Variants in ADAMTSL1 observed in about 807,000 individuals in gnomAD.
ADAMTSL1 encodes the protein ADAMTS like 1.
Under a neutral mutation model 201.8 loss-of-function variants are expected in ADAMTSL1, and 126 were observed. That is an observed-to-expected ratio of 0.62 (90% CI 0.54 to 0.72). The LOEUF (loss-of-function observed/expected upper bound fraction) is 0.72. Ranked by LOEUF, ADAMTSL1 falls within the 30% of genes least tolerant of loss-of-function variation. The pLI is 0.00. For synonymous variants in ADAMTSL1, 1,121 were observed against 903.4 expected (o/e 1.24, Z -4.32); for missense variants, 2,679 against 2,277.8 (o/e 1.18, Z -3.59).
chr9:18,310,473 A>G (rs928803711), intron 2 of ADAMTSL1, among the ~76,000 whole-genome samples: 1 of 151,780 alleles, frequency 6.6e-6, no homozygotes, highest in Non-Finnish European at 1.5e-5. Context: ...ACAAAGGACT[A>G]ATATCCAGAA....
chr9:18,453,294 G>A (rs752545232), intron 2 of ADAMTSL1, among the ~76,000 whole-genome samples: 6 of 152,052 alleles, frequency 3.9e-5, no homozygotes, highest in Non-Finnish European at 7.4e-5. Flanking sequence ...GGGTGCCTTG[G>A]GCTGGTCTCT....
At chr9:18,308,698 C>G (rs969402096) in intron 2 of ADAMTSL1, among the ~76,000 whole-genome samples, 1 of 152,096 alleles carries the variant, frequency 6.6e-6, no homozygotes, top group Admixed American at 6.6e-5. Flanking sequence ...TAATTAATAG[C>G]CTACCAACCA....
chr9:18,406,793 TG>T (rs1434418863), intron 2 of ADAMTSL1, among the ~76,000 whole-genome samples: 1 of 152,208 alleles, frequency 6.6e-6, no homozygotes, highest in Non-Finnish European at 1.5e-5. Context: ...ACTGGAACCC[TG>T]GATACAGAAT....
intron 2 of ADAMTSL1, among the ~76,000 whole-genome samples, chr9:18,298,959 C>T (rs377312325): frequency 1.3e-5 from 2 of 151,272 alleles, no homozygotes; most frequent in Admixed American, 6.6e-5. Context: ...TTGCAGTGAG[C>T]CGAGATGGCG....
rs758135658 is a variant in ADAMTSL1, at chr9:18,777,640, C to T, written c.3411C>T (p.His1137=). 3.2e-5 allele frequency: 51 copies of T among 1,613,630 alleles called. No homozygotes were observed. The highest frequency in any genetic ancestry group is 1.1e-4 in the African/African-American group (8 of 74,944). Residue 1137 remains histidine (H), a synonymous_variant, in exon 19 of 29, where the codon CAC becomes CAT. Coordinates refer to ENST00000380548, the MANE Select transcript of ADAMTSL1 (RefSeq NM_001040272.6). ...CAGTGACTCTCTCGCCTCATAAACA[C>T]GTGTCTGGCTTCAGCAGCTCCCTGC... ...TSPVTLSPHK[H]VSGFSSSLRT... is the part of the protein sequence containing the mutation.
chr9:17,987,027 G>A (rs1818955522), intron 1 of ADAMTSL1, among the ~76,000 whole-genome samples: 1 of 152,128 alleles, frequency 6.6e-6, no homozygotes, highest in African/African-American at 2.4e-5. Context: ...TAGGGGAAGA[G>A]TTCCCACTAA....
In ADAMTSL1 at chr9:18,386,881, G is replaced by A. The variant is rs189457308; in HGVS notation, c.208-117948G>A. 6.6e-4 allele frequency among the ~76,000 whole-genome samples: 101 copies of A among 151,990 alleles called. 1 individual carries two copies. The South Asian group carries it at 8.5e-3, about 13-fold the overall frequency. On this transcript the variant is annotated intron_variant, in intron 2 of 29. Transcript: ENST00000680146. ...ATATTAAAGACTATATTCTTTAATC[G>A]TCATCTTCCTTTCTTTAAAGCTCTA...
chr9:18,022,345 A>G (rs192331768), intron 1 of ADAMTSL1, among the ~76,000 whole-genome samples: 150 of 152,238 alleles, frequency 9.9e-4, no homozygotes, highest in Non-Finnish European at 1.7e-3. Flanking sequence ...GCTGTCCTGT[A>G]TTGTTCTCCC....
At chr9:18,721,218 G>A (rs79504489) in intron 14 of ADAMTSL1, among the ~76,000 whole-genome samples, 22 of 152,266 alleles carry the variant, frequency 1.4e-4, no homozygotes, top group East Asian at 1.2e-3. Context: ...GAAGTATCAT[G>A]TTCCAGCATT....
In ADAMTSL1 at chr9:18,622,334, G is replaced by A. The variant is rs757020927; in HGVS notation, c.566G>A (p.Arg189Gln). 1.9e-5 allele frequency: 31 copies of A among 1,613,922 alleles called. No homozygotes were observed. Among genetic ancestry groups the A allele is most frequent in the Non-Finnish European group, 2.4e-5 (28 of 1,179,974 alleles). ...NGDGSTCRLV[R>Q]GQYKSQLSAT... is the part of the protein sequence containing the mutation. ...GATGGGTCCACCTGCCGGCTGGTCC[G>A]AGGGCAGTATAAATCCCAGCTCTCC... The change falls in exon 5 of 29, where the codon CGA (arginine) becomes CAA (glutamine). Residue 189 changes from arginine to glutamine, a missense_variant. Arg to Gln is a conservative substitution (Grantham distance 43). Transcript: ENST00000380548.
intron 1 of ADAMTSL1, among the ~76,000 whole-genome samples, chr9:18,098,536 A>T (rs1336043418): frequency 6.6e-6 from 1 of 152,252 alleles, no homozygotes; most frequent in Non-Finnish European, 1.5e-5. Flanking sequence ...TTGCTCGTCT[A>T]GAAACATGTA....
rs376758543 is a variant in ADAMTSL1, at chr9:18,775,789, G to T, written c.2444G>T (p.Cys815Phe). 1 of 1,612,442 alleles carries T rather than the reference G, an allele frequency of 6.2e-7. No homozygotes were observed. Among genetic ancestry groups the T allele is most frequent in the Non-Finnish European group, 8.5e-7 (1 of 1,179,322 alleles). ...GGCACCCAGACTCGAAGCGCCATTTGCCGAAAGATGCTGAAAACCGGCCTC... is the reference window on the plus strand; with the variant it reads ...GGCACCCAGACTCGAAGCGCCATTTTCCGAAAGATGCTGAAAACCGGCCTC... The part of the protein sequence containing the change: ...GEGTQTRSAI[C>F]RKMLKTGLST... The change falls in exon 18 of 29, where the codon TGC (cysteine) becomes TTC (phenylalanine). Residue 815 changes from cysteine to phenylalanine, a missense_variant. Physicochemically the swap from Cys to Phe is radical, Grantham distance 205. Transcript: ENST00000380548.
rs149969630 is a variant in ADAMTSL1, at chr9:18,160,709, T to C, written c.88-3153T>C. Among the ~76,000 whole-genome samples the C allele has an allele frequency of 2.4e-3, 371 of 151,916 alleles. 2 individuals are homozygous for C. The highest frequency in any genetic ancestry group is 8.6e-3 in the African/African-American group (358 of 41,452). On this transcript the variant is annotated intron_variant, in intron 1 of 29. Coordinates refer to the ADAMTSL1 transcript ENST00000680146. ...TTAATTAATTTTTTTGAGAAAGGTC[T>C]ATTTCTGTTGCCCAGGCCAGAGTGT...
At chr9:18,807,543 CCTGAGGCGGGAGA>C (rs927830942) in intron 20 of ADAMTSL1, among the ~76,000 whole-genome samples, 16 of 151,510 alleles carry the variant, frequency 1.1e-4, no homozygotes, top group African/African-American at 3.4e-4. Context: ...TAGTCGGGAG[CCTGAGGCGGGAGA>C]ACCGGCGTGA....
At chr9:18,203,795 A>T (rs2132284438) in intron 2 of ADAMTSL1, among the ~76,000 whole-genome samples, 1 of 152,286 alleles carries the variant, frequency 6.6e-6, no homozygotes, top group Admixed American at 6.5e-5. Context: ...TAGTGCAAGT[A>T]TGGCTCCGAT....
intron 2 of ADAMTSL1, among the ~76,000 whole-genome samples, chr9:18,346,745 A>C (rs749976146): frequency 1.3e-4 from 20 of 152,130 alleles, no homozygotes; most frequent in Non-Finnish European, 2.6e-4. Context: ...TTTTGAAGTC[A>C]CCCGCTAATT....
chr9:18,212,203 C>T lies in ADAMTSL1; in HGVS notation c.207+48222C>T, dbSNP rs185014151. On this transcript the variant is annotated intron_variant, in intron 2 of 29. Coordinates refer to the ADAMTSL1 transcript ENST00000680146. ...TCCTGAAAAAAAGGAAGACTTACTC[C>T]TGGTCCCCTTGAAGAAGACTGATTG... Among the ~76,000 whole-genome samples the T allele has an allele frequency of 2.8e-4, 43 of 152,240 alleles. 1 individual carries two copies. The East Asian group carries it at 8.1e-3, about 29-fold the overall frequency.
At chr9:18,620,179 C>A (rs1052651431) in intron 4 of ADAMTSL1, among the ~76,000 whole-genome samples, 3 of 152,078 alleles carry the variant, frequency 2.0e-5, no homozygotes, top group African/African-American at 7.2e-5. Context: ...AAGTCTCTCC[C>A]TAAGAGAAAT....
At chr9:18,438,377 C>G (rs974883252) in intron 2 of ADAMTSL1, among the ~76,000 whole-genome samples, 1 of 152,146 alleles carries the variant, frequency 6.6e-6, no homozygotes. Context: ...AGGGAGCTCG[C>G]CTTTTGATCT....
Sources: gnomAD v4.1 joint callset for allele counts (sites outside exome capture counted in the v4.1 genomes callset) on GRCh38, gnomAD v4.1.1 for gene constraint, MANE v1.5 for transcripts, NCBI Gene and HGNC (gene_info 2026-07-23, HGNC 2026-07-21) for gene names.